Variants in PCDHGA2 observed in about 807,000 individuals in gnomAD.
PCDHGA2 encodes protocadherin gamma subfamily A, 2.
A neutral mutation model predicts 59.2 loss-of-function variants in PCDHGA2; 40 were observed. The observed-to-expected ratio is 0.68, with a 90% CI of 0.52 to 0.88. The LOEUF is 0.88. PCDHGA2 is among the 40% of genes least tolerant of loss of function. The pLI is 0.00. For missense variants in PCDHGA2, 1,226 were observed against 1,204.0 expected (o/e 1.02, Z -0.27); for synonymous variants, 560 against 526.0 (o/e 1.06, Z -0.89).
chr5:141,371,867 C>A (rs1452583584), intron 1 of PCDHGA2: 14 of 1,613,430 alleles, frequency 8.7e-6, no homozygotes, highest in Non-Finnish European at 1.0e-5. Context: ...CCTACTACAT[C>A]GTGGCCAGTG....
chr5:141,372,334 G>A (rs757971401), intron 1 of PCDHGA2: 3 of 1,613,766 alleles, frequency 1.9e-6, no homozygotes, highest in Admixed American at 1.7e-5. Context: ...GTCACTGTGC[G>A]TGATGGAGGA....
chr5:141,408,133 T>A, intron 1 of PCDHGA2: 5 of 1,483,848 alleles, frequency 3.4e-6, no homozygotes, highest in Non-Finnish European at 4.5e-6. Context: ...GGCCGAATGC[T>A]CTTTTAGCGC....
chr5:141,390,097 C>T, intron 1 of PCDHGA2: 1 of 1,614,026 alleles, frequency 6.2e-7, no homozygotes, highest in Non-Finnish European at 8.5e-7. Context: ...TCCGTGGTTC[C>T]CCCCAACTAC....
In PCDHGA2 at chr5:141,432,113, T is replaced by G. The variant is rs1174697940; in HGVS notation, c.2425-62694T>G. 1 of 1,614,078 alleles carries G rather than the reference T, an allele frequency of 6.2e-7. No homozygotes were observed. The highest frequency in any genetic ancestry group is 8.5e-7 in the Non-Finnish European group (1 of 1,180,006). On this transcript the variant is annotated intron_variant, in intron 1 of 3. Coordinates refer to ENST00000394576, the MANE Select transcript of PCDHGA2 (RefSeq NM_018915.4). The surrounding 1 kb of genome is among the most constrained non-coding windows in gnomAD (Gnocchi z 6.0). ...AGACACCAACGACAACCCGCCGGTC[T>G]TCCCTCAGGCCTCCTATTCCGCTTA... is the stretch of plus-strand genomic sequence containing the variant.
chr5:141,345,616 T>TA, intron 1 of PCDHGA2: 1 of 1,614,174 alleles, frequency 6.2e-7, no homozygotes, highest in Non-Finnish European at 8.5e-7. Context: ...TTTAGAGACT[T>TA]AAAGCTACTG....
At chr5:141,436,588 G>A (rs1182294845) in intron 1 of PCDHGA2, among the ~76,000 whole-genome samples, 3 of 152,138 alleles carry the variant, frequency 2.0e-5, no homozygotes, top group Non-Finnish European at 2.9e-5. Context: ...AATTTGAAAG[G>A]TCGTGGTGAT....
intron 1 of PCDHGA2, chr5:141,374,871 CA>C: frequency 6.2e-7 from 1 of 1,613,662 alleles, no homozygotes; most frequent in South Asian, 1.1e-5. Flanking sequence ...CCAGTGTTGG[CA>C]GTGACTGCCA....
intron 1 of PCDHGA2, chr5:141,379,057 T>C (rs974258347): frequency 2.0e-5 from 3 of 152,238 alleles, no homozygotes; most frequent in African/African-American, 7.2e-5. Flanking sequence ...TAGAATGGAT[T>C]GGCCACTTGT....
chr5:141,376,111 C>T (rs1772297221), intron 1 of PCDHGA2: 1 of 1,613,704 alleles, frequency 6.2e-7, no homozygotes, highest in Admixed American at 1.7e-5. Flanking sequence ...CCGACCTGGG[C>T]AGCCTCGAGC....
chr5:141,399,349 C>A (rs1467940246), intron 1 of PCDHGA2: 15 of 1,613,814 alleles, frequency 9.3e-6, no homozygotes, highest in African/African-American at 1.3e-5. Flanking sequence ...AACCCTAGAC[C>A]GAGAGCAAAC....
intron 1 of PCDHGA2, chr5:141,374,617 C>A (rs981307720): frequency 3.7e-6 from 6 of 1,613,400 alleles, no homozygotes; most frequent in African/African-American, 1.3e-5. Flanking sequence ...ATAGTCACTT[C>A]TCAGTGGACG....
chr5:141,498,971 GGGAAGGAAGGAAGGAAGGAAGGAAGGAA>G (rs201769957), intron 2 of PCDHGA2, among the ~76,000 whole-genome samples: 8 of 111,052 alleles, frequency 7.2e-5, no homozygotes, highest in South Asian at 3.8e-4. Flanking sequence ...GAGGGAGGGA[GGGAAGGAAGGAAGGAAGGAAGGAAGGAA>G]GGAAGGAAGG....
chr5:141,455,856 TTTTATTA>T (rs1315325745), intron 1 of PCDHGA2, among the ~76,000 whole-genome samples: 1 of 146,240 alleles, frequency 6.8e-6, no homozygotes, highest in East Asian at 2.0e-4. Flanking sequence ...AAATAATTTC[TTTTATTA>T]TTTATTTATT....
chr5:141,503,598 CAAAAAAAAAA>C (rs765754054), intron 2 of PCDHGA2, among the ~76,000 whole-genome samples: 1 of 65,762 alleles, frequency 1.5e-5, no homozygotes. Context: ...GACTCCAGCT[CAAAAAAAAAA>C]AAAAAAGAAA....
intron 1 of PCDHGA2, chr5:141,345,500 T>C (rs1481044157): frequency 1.2e-6 from 2 of 1,614,162 alleles, no homozygotes; most frequent in Admixed American, 1.7e-5. Context: ...GCATCACTTA[T>C]GCATTGACCG....
intron 1 of PCDHGA2, among the ~76,000 whole-genome samples, chr5:141,401,180 A>G (rs1006390606): frequency 2.6e-5 from 4 of 152,196 alleles, no homozygotes; most frequent in Non-Finnish European, 5.9e-5. Context: ...CGTCTCTACT[A>G]AAAATACAAA....
intron 1 of PCDHGA2, chr5:141,344,385 G>C (rs1299543517): frequency 6.2e-7 from 1 of 1,612,550 alleles, no homozygotes; most frequent in Admixed American, 1.7e-5. Context: ...GAAAATTTTT[G>C]AAGTAGAAAT....
At chr5:141,376,589 C>A in intron 1 of PCDHGA2, 1 of 1,568,198 alleles carries the variant, frequency 6.4e-7, no homozygotes, top group South Asian at 1.2e-5. Context: ...TCAGCTAGAT[C>A]GGCTGTTATA....
intron 1 of PCDHGA2, chr5:141,478,531 C>T (rs771145308): frequency 1.9e-6 from 3 of 1,608,190 alleles, no homozygotes; most frequent in Non-Finnish European, 2.5e-6. Flanking sequence ...GTGCAGAGAG[C>T]GCCCCTCCCG....
Sources: allele counts gnomAD v4.1 joint callset (sites outside exome capture counted in the v4.1 genomes callset), GRCh38; gene constraint gnomAD v4.1.1; non-coding constraint Gnocchi (gnomAD v3.1); transcripts MANE v1.5; gene names NCBI Gene and HGNC (gene_info 2026-07-23, HGNC 2026-07-21).